Variants in SEMA3A observed in about 807,000 individuals in gnomAD.
SEMA3A encodes the protein semaphorin 3A.
SEMA3A carries 29 observed loss-of-function variants against 97.9 expected under a neutral mutation model. That is an observed-to-expected ratio of 0.30 (90% CI 0.22 to 0.40). The LOEUF (loss-of-function observed/expected upper bound fraction) is 0.40. Among genes scored for constraint, SEMA3A ranks in the 10% least tolerant of loss-of-function variants. SEMA3A has a pLI of 1.00. For synonymous variants in SEMA3A, 321 were observed against 323.7 expected (o/e 0.99, Z 0.09); for missense variants, 763 against 951.3 (o/e 0.80, Z 2.60).
chr7:84,486,239 T>C (rs1806570991), intron 1 of SEMA3A, among the ~76,000 whole-genome samples: 1 of 151,784 alleles, frequency 6.6e-6, no homozygotes, highest in Non-Finnish European at 1.5e-5. Context: ...AATACAAAAA[T>C]GAGCTGGGCG....
intron 2 of SEMA3A, among the ~76,000 whole-genome samples, chr7:84,349,644 T>C (rs1802387535): frequency 6.6e-6 from 1 of 152,128 alleles, no homozygotes; most frequent in African/African-American, 2.4e-5. Flanking sequence ...TATAAAAGAA[T>C]AATGTCCCCC....
chr7:84,281,312 T>G (rs1800434014), intron 3 of SEMA3A, among the ~76,000 whole-genome samples: 2 of 152,056 alleles, frequency 1.3e-5, no homozygotes, highest in African/African-American at 4.8e-5. Flanking sequence ...TCTGTGGTGC[T>G]GAAAGGAAAG....
intron 3 of SEMA3A, among the ~76,000 whole-genome samples, chr7:84,293,877 A>G (rs1467312988): frequency 6.6e-6 from 1 of 152,058 alleles, no homozygotes; most frequent in East Asian, 1.9e-4. Context: ...CATAGATGAA[A>G]AGATGTATAC....
intron 1 of SEMA3A, among the ~76,000 whole-genome samples, chr7:84,181,885 T>C (rs1351213966): frequency 6.6e-6 from 1 of 152,150 alleles, no homozygotes; most frequent in East Asian, 1.9e-4. Context: ...GAAATAAAAT[T>C]CTTCTTGGTC....
chr7:84,034,523 C>T (rs1791873149), intron 6 of SEMA3A, among the ~76,000 whole-genome samples: 1 of 152,210 alleles, frequency 6.6e-6, no homozygotes, highest in South Asian at 2.1e-4. Context: ...TTGTAGATAG[C>T]ACTTTGAAGA....
intron 1 of SEMA3A, among the ~76,000 whole-genome samples, chr7:84,409,084 TG>T (rs1050407313): frequency 2.0e-5 from 3 of 148,522 alleles, no homozygotes; most frequent in Non-Finnish European, 1.5e-5. Flanking sequence ...TATATTCAAA[TG>T]TAAAAAAAAA....
intron 3 of SEMA3A, among the ~76,000 whole-genome samples, chr7:84,221,329 A>G (rs1340651938): frequency 6.6e-6 from 1 of 152,106 alleles, no homozygotes; most frequent in Non-Finnish European, 1.5e-5. Flanking sequence ...CATTTGCTCC[A>G]TATCAGCAAT....
chr7:84,275,571 G>A (rs1197522106), intron 3 of SEMA3A, among the ~76,000 whole-genome samples: 1 of 151,830 alleles, frequency 6.6e-6, no homozygotes, highest in East Asian at 1.9e-4. Context: ...AGAAAATACA[G>A]ATCTATTTTT....
chr7:84,295,674 A>G (rs1231196655), intron 3 of SEMA3A, among the ~76,000 whole-genome samples: 1 of 152,078 alleles, frequency 6.6e-6, no homozygotes, highest in Non-Finnish European at 1.5e-5. Flanking sequence ...GAAGCAACTA[A>G]TAAGTTAACA....
intron 2 of SEMA3A, among the ~76,000 whole-genome samples, chr7:84,368,532 C>G (rs1477747892): frequency 6.6e-6 from 1 of 150,672 alleles, no homozygotes; most frequent in East Asian, 1.9e-4. Context: ...TTTTAATGTA[C>G]TGTATAATGT....
At chr7:84,063,095 A>C (rs1057094639) in intron 4 of SEMA3A, among the ~76,000 whole-genome samples, 6 of 152,106 alleles carry the variant, frequency 3.9e-5, no homozygotes, top group African/African-American at 1.2e-4. Context: ...CTGCCTCCTC[A>C]AGTGGGTCCC....
At chr7:84,222,909 C>T (rs990023784) in intron 3 of SEMA3A, among the ~76,000 whole-genome samples, 3 of 151,930 alleles carry the variant, frequency 2.0e-5, no homozygotes, top group Non-Finnish European at 4.4e-5. Context: ...AGATGTAGAA[C>T]ATAATTATCT....
intron 1 of SEMA3A, among the ~76,000 whole-genome samples, chr7:84,382,702 CAA>C (rs377120252): frequency 0.032 from 2,611 of 81,774 alleles, 36 homozygotes; most frequent in Non-Finnish European, 0.042. Context: ...ACTAAAAATC[CAA>C]AAAAAAAAAA....
intron 1 of SEMA3A, among the ~76,000 whole-genome samples, chr7:84,175,644 A>T (rs10233092): frequency 0.012 from 1,753 of 152,328 alleles, 27 homozygotes; most frequent in African/African-American, 0.04. Flanking sequence ...AGTCATCTGG[A>T]TGTCTGGAAG....
intron 3 of SEMA3A, among the ~76,000 whole-genome samples, chr7:84,211,478 G>A (rs1020008723): frequency 2.9e-4 from 44 of 151,484 alleles, no homozygotes; most frequent in Admixed American, 2.4e-3. Context: ...AAAATTAGTC[G>A]GGCATGCTGG....
At chr7:84,001,156 G>GTATT (rs1265622618) in intron 12 of SEMA3A, among the ~76,000 whole-genome samples, 1 of 151,630 alleles carries the variant, frequency 6.6e-6, no homozygotes, top group African/African-American at 2.4e-5. Flanking sequence ...TTACAGGCAT[G>GTATT]TATTTTTCTG....
chr7:84,137,148 C>T (rs999574837), intron 1 of SEMA3A, among the ~76,000 whole-genome samples: 11 of 152,046 alleles, frequency 7.2e-5, no homozygotes, highest in Non-Finnish European at 1.3e-4. Context: ...TGCCTGTAAT[C>T]TCAGCACTTT....
chr7:84,308,695 C>T (rs1021153686), intron 2 of SEMA3A, among the ~76,000 whole-genome samples: 1 of 152,014 alleles, frequency 6.6e-6, no homozygotes, highest in Non-Finnish European at 1.5e-5. Flanking sequence ...GTCTGGAGAA[C>T]ATAGCTAGGA....
chr7:84,437,457 T>C (rs1424928126), intron 1 of SEMA3A, among the ~76,000 whole-genome samples: 3 of 151,986 alleles, frequency 2.0e-5, no homozygotes, highest in African/African-American at 4.8e-5. Context: ...TAAGATTGAA[T>C]ACATTTCCCC....
Sources: gnomAD v4.1 joint callset for allele counts (sites outside exome capture counted in the v4.1 genomes callset) on GRCh38, gnomAD v4.1.1 for gene constraint, MANE v1.5 for transcripts, NCBI Gene and HGNC (gene_info 2026-07-23, HGNC 2026-07-21) for gene names.